CMIP: variants seen among roughly 807,000 people sequenced by gnomAD.
CMIP encodes C-Maf-inducing protein.
CMIP carries 13 observed loss-of-function variants against 97.3 expected under a neutral mutation model. The observed-to-expected ratio is 0.13, with a 90% CI of 0.09 to 0.21. The LOEUF is 0.21. CMIP is among the 10% of genes least tolerant of loss of function. The probability of loss-of-function intolerance (pLI) is 1.00; values close to 1 mark genes in which losing one functional copy is unlikely to be tolerated. For missense variants in CMIP, 847 were observed against 1,024.9 expected (o/e 0.83, Z 2.37); for synonymous variants, 538 against 436.3 (o/e 1.23, Z -2.91).
intron 9 of CMIP, among the ~76,000 whole-genome samples, chr16:81,676,741 C>A (rs560200293): frequency 6.6e-6 from 1 of 152,224 alleles, no homozygotes; most frequent in African/African-American, 2.4e-5. Flanking sequence ...TACATTCAGA[C>A]CCTTGCTGTG....
chr16:81,469,500 G>C (rs1202896700), intron 1 of CMIP, among the ~76,000 whole-genome samples: 1 of 152,188 alleles, frequency 6.6e-6, no homozygotes, highest in Non-Finnish European at 1.5e-5. Flanking sequence ...AAAACAGAGG[G>C]CTCTTATTAC....
Position 81,672,047 on chromosome 16 carries a change from C to T in CMIP, c.1011C>T (p.Ser337=). 3 of 1,602,910 alleles carry T rather than the reference C, an allele frequency of 1.9e-6. No homozygotes were observed. Among genetic ancestry groups the T allele is most frequent in the Non-Finnish European group, 2.6e-6 (3 of 1,173,980 alleles). The change falls in exon 9 of 21, where the codon TCC becomes TCT. Residue 337 remains serine, a synonymous_variant. Coordinates refer to ENST00000537098, the MANE Select transcript of CMIP (RefSeq NM_198390.3). Reference sequence around the variant, plus strand: ...CCGTGTGCCTGGCTGCCATCTACTCCTGCTATGAAGAGTTCATCAACAGGT... The same window carrying T: ...CCGTGTGCCTGGCTGCCATCTACTCTTGCTATGAAGAGTTCATCAACAGGT... ...LVAVCLAAIY[S]CYEEFINSRD... is the part of the protein sequence containing the mutation.
rs527274008 is a variant in CMIP at position 81,601,225 on chromosome 16, G to A, written c.301-6342G>A. On this transcript the variant is annotated intron_variant, in intron 1 of 20. Coordinates refer to ENST00000537098, the MANE Select transcript of CMIP (RefSeq NM_198390.3). ...TCCAGACTGGCTTCTTTTGGGGTCC[G>A]GGAGCTCCTCCCTTCCCTGGCACAT... Among the ~76,000 whole-genome samples the A allele has an allele frequency of 2.6e-5, 4 of 152,320 alleles. No individual in the cohort carries two copies. In the East Asian group the frequency reaches 5.8e-4, roughly 22 times the overall value.
At chr16:81,649,399 C>G (rs2092402021) in intron 3 of CMIP, among the ~76,000 whole-genome samples, 1 of 152,246 alleles carries the variant, frequency 6.6e-6, no homozygotes. Flanking sequence ...GCGTTGCCCA[C>G]TGGGCCCTGC....
intron 1 of CMIP, among the ~76,000 whole-genome samples, chr16:81,561,700 G>A (rs1226371249): frequency 6.6e-6 from 1 of 152,182 alleles, no homozygotes; most frequent in African/African-American, 2.4e-5. Context: ...GCTTTAAAAA[G>A]CATCCCTCAG....
chr16:81,471,454 A>T (rs112387298), intron 1 of CMIP, among the ~76,000 whole-genome samples: 25,644 of 152,262 alleles, frequency 0.17, 2,366 homozygotes, highest in Non-Finnish European at 0.21. Flanking sequence ...ATGCATATGT[A>T]CACATACACA....
chr16:81,494,574 C>G (rs2089456748), intron 1 of CMIP, among the ~76,000 whole-genome samples: 1 of 152,132 alleles, frequency 6.6e-6, no homozygotes, highest in Non-Finnish European at 1.5e-5. Flanking sequence ...TCAGGAGGAG[C>G]CCCAGCCGGC....
chr16:81,548,939 C>T (rs1209961785), intron 1 of CMIP, among the ~76,000 whole-genome samples: 1 of 152,244 alleles, frequency 6.6e-6, no homozygotes, highest in Admixed American at 6.5e-5. Context: ...CTCCTTCATT[C>T]TCATAGCAAC....
chr16:81,569,018 G>A (rs930878179), intron 1 of CMIP, among the ~76,000 whole-genome samples: 2 of 152,172 alleles, frequency 1.3e-5, no homozygotes, highest in African/African-American at 4.8e-5. Flanking sequence ...AGAACAGGGG[G>A]TGCAGTTTTT....
intron 1 of CMIP, among the ~76,000 whole-genome samples, chr16:81,486,441 T>C (rs1438550111): frequency 6.6e-6 from 1 of 152,170 alleles, no homozygotes; most frequent in African/African-American, 2.4e-5. Flanking sequence ...ACCTCATACG[T>C]CCTAGGCCCT....
At chr16:81,509,056 C>A (rs186046283) in intron 1 of CMIP, among the ~76,000 whole-genome samples, 7 of 152,142 alleles carry the variant, frequency 4.6e-5, no homozygotes, top group Non-Finnish European at 1.0e-4. Flanking sequence ...GGAAGGGAAT[C>A]ATTCATTTTA....
intron 1 of CMIP, among the ~76,000 whole-genome samples, chr16:81,524,316 T>A (rs1597504846): frequency 6.6e-6 from 1 of 152,228 alleles, no homozygotes; most frequent in East Asian, 1.9e-4. Flanking sequence ...ATGGTGTCTG[T>A]CCCACTGGAG....
At chr16:81,686,044 C>T (rs1482341614) in intron 10 of CMIP, among the ~76,000 whole-genome samples, 1 of 152,242 alleles carries the variant, frequency 6.6e-6, no homozygotes, top group African/African-American at 2.4e-5. Flanking sequence ...ACTGTGTCTC[C>T]ATTTTCCTGC....
At position 81,565,882 on chromosome 16, in the gene CMIP, C is replaced by T. The variant is rs534093686; in HGVS notation, c.301-41685C>T. Among the ~76,000 whole-genome samples the T allele has an allele frequency of 2.4e-4, 37 of 152,328 alleles. No individual in the cohort carries two copies. The East Asian group carries it at 6.0e-3, about 25-fold the overall frequency. The stretch of plus-strand genomic sequence containing the variant: ...TTTTCCCAGCCCTGTGTTGGGCTGG[C>T]GCTTGGGGAGCGGGCACAGATGTCA... On this transcript the variant is annotated intron_variant, in intron 1 of 20. Coordinates refer to ENST00000537098, the MANE Select transcript of CMIP (RefSeq NM_198390.3).
chr16:81,506,355 C>T (rs1403154169), intron 1 of CMIP, among the ~76,000 whole-genome samples: 1 of 152,120 alleles, frequency 6.6e-6, no homozygotes, highest in Non-Finnish European at 1.5e-5. Flanking sequence ...TTCACAAAGC[C>T]CTGCTGAGAT....
At chr16:81,636,093 G>T (rs2150981649) in intron 3 of CMIP, among the ~76,000 whole-genome samples, 1 of 152,250 alleles carries the variant, frequency 6.6e-6, no homozygotes, top group African/African-American at 2.4e-5. Context: ...GTGTGAGTGT[G>T]TGTGTAACTG....
At chr16:81,674,934 C>A (rs1212989146) in intron 9 of CMIP, among the ~76,000 whole-genome samples, 2 of 151,944 alleles carry the variant, frequency 1.3e-5, no homozygotes, top group African/African-American at 4.8e-5. Context: ...CATTTACCAG[C>A]GTACTTTGGG....
At chr16:81,588,145 G>C (rs930652299) in intron 1 of CMIP, among the ~76,000 whole-genome samples, 3 of 152,148 alleles carry the variant, frequency 2.0e-5, no homozygotes, top group South Asian at 4.1e-4. Flanking sequence ...AACAGAACGA[G>C]ACCCTCCGGA....
At chr16:81,447,929 C>A (rs926575870) in intron 1 of CMIP, among the ~76,000 whole-genome samples, 1 of 152,178 alleles carries the variant, frequency 6.6e-6, no homozygotes, top group South Asian at 2.1e-4. Flanking sequence ...TCCAGGCTCT[C>A]GGGGAAGCAG....
Sources: allele counts gnomAD v4.1 joint callset (sites outside exome capture counted in the v4.1 genomes callset), GRCh38; gene constraint gnomAD v4.1.1; transcripts MANE v1.5; gene names NCBI Gene and HGNC (gene_info 2026-07-23, HGNC 2026-07-21).